The following PARD3B variants were observed in gnomAD, a reference collection of about 807,000 sequenced individuals.
PARD3B encodes par-3 family cell polarity regulator beta.
In PARD3B, 103 loss-of-function variants were observed where a neutral mutation model predicts 130.2. That is an observed-to-expected ratio of 0.79 (90% CI 0.67 to 0.93). PARD3B has a LOEUF of 0.93. Ranked by LOEUF, PARD3B falls within the 40% of genes least tolerant of loss-of-function variation. The pLI is 0.00. For missense variants in PARD3B, 1,609 were observed against 1,499.2 expected (o/e 1.07, Z -1.21); for synonymous variants, 583 against 553.2 (o/e 1.05, Z -0.76).
chr2:205,358,993 T>A (rs2044294211), intron 18 of PARD3B, among the ~76,000 whole-genome samples: 1 of 152,204 alleles, frequency 6.6e-6, no homozygotes, highest in Non-Finnish European at 1.5e-5. Context: ...TGCTTTAAAT[T>A]CGCAAACATT....
chr2:204,883,372 TC>T (rs1211855562), intron 2 of PARD3B, among the ~76,000 whole-genome samples: 21 of 137,788 alleles, frequency 1.5e-4, no homozygotes, highest in Non-Finnish European at 2.8e-4. Context: ...AACTATATTT[TC>T]TTTTTTTATT....
At chr2:205,513,283 A>G (rs947795010) in intron 21 of PARD3B, among the ~76,000 whole-genome samples, 1 of 152,128 alleles carries the variant, frequency 6.6e-6, no homozygotes, top group Non-Finnish European at 1.5e-5. Context: ...GTGGTTCCAG[A>G]ACTATGTTGC....
At chr2:205,135,096 A>G (rs1318287675) in intron 10 of PARD3B, among the ~76,000 whole-genome samples, 1 of 152,178 alleles carries the variant, frequency 6.6e-6, no homozygotes, top group Non-Finnish European at 1.5e-5. Context: ...TGGAGACTGG[A>G]GAAAAAGAAT....
intron 1 of PARD3B, among the ~76,000 whole-genome samples, chr2:204,552,063 G>A (rs574427344): frequency 3.0e-4 from 46 of 152,268 alleles, no homozygotes; most frequent in Non-Finnish European, 4.1e-4. Context: ...AATGTAAATC[G>A]CCACAAATGG....
At chr2:204,564,241 A>G (rs1458105910) in intron 1 of PARD3B, among the ~76,000 whole-genome samples, 1 of 152,174 alleles carries the variant, frequency 6.6e-6, no homozygotes, top group East Asian at 1.9e-4. Context: ...TCACATGCAT[A>G]CATTTTGAAA....
At chr2:204,712,047 TC>T (rs1336036603) in intron 2 of PARD3B, among the ~76,000 whole-genome samples, 1 of 152,206 alleles carries the variant, frequency 6.6e-6, no homozygotes, top group Non-Finnish European at 1.5e-5. Context: ...AAATCAATAC[TC>T]CTTGATCCCT....
At chr2:204,974,721 G>A (rs566634756) in intron 3 of PARD3B, among the ~76,000 whole-genome samples, 4 of 152,308 alleles carry the variant, frequency 2.6e-5, no homozygotes, top group African/African-American at 9.6e-5. Context: ...CTGCCCTTAC[G>A]GCAGAGTTCA....
At chr2:204,684,806 A>G (rs528211974) in intron 1 of PARD3B, among the ~76,000 whole-genome samples, 1 of 152,300 alleles carries the variant, frequency 6.6e-6, no homozygotes, top group East Asian at 1.9e-4. Context: ...TGGTGTTTGC[A>G]CCTATAAACT....
intron 2 of PARD3B, among the ~76,000 whole-genome samples, chr2:204,843,972 T>C (rs2044358495): frequency 6.6e-6 from 1 of 152,180 alleles, no homozygotes; most frequent in Non-Finnish European, 1.5e-5. Context: ...TTGACTTTGC[T>C]TATGAGTAAT....
At position 205,454,689 on chromosome 2, in the gene PARD3B, C is replaced by A. The variant is rs997657935; in HGVS notation, c.3044+14017C>A. The stretch of plus-strand genomic sequence containing the variant: ...CTTCCATGTAGATGCAGAAGATTTT[C>A]TATGTCAAGTTCAGTAGGGGGCCTA... On this transcript the variant is annotated intron_variant, in intron 20 of 22. Coordinates refer to ENST00000406610, the MANE Select transcript of PARD3B (RefSeq NM_001302769.2). 7.7e-4 allele frequency among the ~76,000 whole-genome samples: 117 copies of A among 152,228 alleles called. 2 individuals carry two copies. Among genetic ancestry groups the A allele is most frequent in the Non-Finnish European group, 1.5e-4 (10 of 68,000 alleles).
At position 204,906,406 on chromosome 2, in the gene PARD3B, GGT is replaced by G. The variant is rs142202127; in HGVS notation, c.223-58733_223-58732del. ...TCCCCCTTTGTTTTCTCTTTTCATT[GGT>G]GTGTGTGTGTGTATGTATAAATGAA... is the stretch of plus-strand genomic sequence containing the variant. On this transcript the variant is annotated intron_variant, in intron 2 of 22. Transcript: ENST00000406610. This position sits in a 1 kb window ranked among gnomAD's most constrained non-coding sequence, Gnocchi z 4.3. 3.0e-3 allele frequency among the ~76,000 whole-genome samples: 459 copies of G among 151,762 alleles called. 1 individual carries two copies. Among genetic ancestry groups the G allele is most frequent in the South Asian group, 8.7e-3 (42 of 4,802 alleles).
chr2:205,217,410 T>A (rs1270663615), intron 15 of PARD3B, among the ~76,000 whole-genome samples: 2 of 152,208 alleles, frequency 1.3e-5, no homozygotes, highest in African/African-American at 4.8e-5. Context: ...AAGAGAGCAA[T>A]GTCCTGATTC....
intron 3 of PARD3B, among the ~76,000 whole-genome samples, chr2:204,994,284 T>C (rs1243406621): frequency 8.7e-6 from 1 of 114,544 alleles, no homozygotes; most frequent in Non-Finnish European, 1.8e-5. Flanking sequence ...GTTGTGTCTT[T>C]GTTCTCGTTG....
intron 2 of PARD3B, among the ~76,000 whole-genome samples, chr2:204,935,081 T>C (rs1355341): frequency 0.31 from 47,268 of 151,594 alleles, 7,805 homozygotes; most frequent in Middle Eastern, 0.39. Flanking sequence ...TAGTCACTGT[T>C]ATCCCACAGT....
rs1004016668 is a variant in PARD3B, at chr2:205,132,708, C to A, written c.1434+6971C>A. Among the ~76,000 whole-genome samples, 6 of 152,246 alleles carry A rather than the reference C, an allele frequency of 3.9e-5. No individual in the cohort carries two copies. The East Asian group carries it at 1.2e-3, about 29-fold the overall frequency. ...GATGCCACATTTGGGAATCTCATGG[C>A]CTGGATGTGAATCCCTGCTTTGCAA... On this transcript the variant is annotated intron_variant, in intron 10 of 22. Transcript: ENST00000406610.
chr2:204,937,885 T>C (rs1402701413), intron 2 of PARD3B, among the ~76,000 whole-genome samples: 2 of 152,234 alleles, frequency 1.3e-5, no homozygotes. Flanking sequence ...GTTTTAGTTT[T>C]AACAGGATTG....
intron 2 of PARD3B, among the ~76,000 whole-genome samples, chr2:204,853,366 T>A (rs1356112080): frequency 3.3e-5 from 5 of 152,194 alleles, no homozygotes; most frequent in Non-Finnish European, 7.3e-5. Context: ...GAATTTTGAA[T>A]AACAGTTTTT....
chr2:205,227,758 CCTT>C (rs1168036055), intron 15 of PARD3B, among the ~76,000 whole-genome samples: 1 of 151,878 alleles, frequency 6.6e-6, no homozygotes, highest in African/African-American at 2.4e-5. Flanking sequence ...GTCTTCTCAT[CCTT>C]CTTTCATTCC....
chr2:205,534,928 T>TG (rs2051774577), intron 21 of PARD3B, among the ~76,000 whole-genome samples: 1 of 152,210 alleles, frequency 6.6e-6, no homozygotes. Flanking sequence ...TCAGGAGAGA[T>TG]GGCCAATTAT....
Sources: allele counts gnomAD v4.1 joint callset (sites outside exome capture counted in the v4.1 genomes callset), GRCh38; gene constraint gnomAD v4.1.1; non-coding constraint Gnocchi (gnomAD v3.1); transcripts MANE v1.5; gene names NCBI Gene and HGNC (gene_info 2026-07-23, HGNC 2026-07-21).